The following SLF1 variants were observed in gnomAD, a reference collection of about 807,000 sequenced individuals.
The protein encoded by SLF1 is SMC5-SMC6 complex localization factor protein 1.
In SLF1, 105 loss-of-function variants were observed where a neutral mutation model predicts 123.0. That is an observed-to-expected ratio of 0.85 (90% CI 0.73 to 1.00). The LOEUF (loss-of-function observed/expected upper bound fraction) is 1.00, where lower values mean the gene tolerates loss of function less well. SLF1 is among the 50% of genes least tolerant of loss of function. The pLI is 0.00. For synonymous variants in SLF1, 434 were observed against 406.6 expected (o/e 1.07, Z -0.81); for missense variants, 1,239 against 1,223.0 (o/e 1.01, Z -0.20).
rs1161384345 is a variant in SLF1 at position 94,691,605 on chromosome 5, G to A, written c.2461G>A (p.Glu821Lys). 1 of 1,611,344 alleles carries A rather than the reference G, an allele frequency of 6.2e-7. No individual in the cohort carries two copies. The highest frequency in any genetic ancestry group is 1.1e-5 in the South Asian group (1 of 90,420). Reference sequence around the variant, plus strand: ...TAGAGCTTGCATAAATAACCAAGTGGAGAAATTGATTCTTCTTCTCTCTTT... The same window carrying A: ...TAGAGCTTGCATAAATAACCAAGTGAAGAAATTGATTCTTCTTCTCTCTTT... ...LHRACINNQV[E>K]KLILLLSLPG... Residue 821 changes from glutamate (E) to lysine (K), a missense_variant, in exon 19 of 21, where the codon GAG becomes AAG. By Grantham distance (56) the Glu-to-Lys change is moderately conservative (BLOSUM62 1). Transcript: ENST00000265140.
At chr5:94,629,965 C>T (rs768166203) in intron 3 of SLF1, among the ~76,000 whole-genome samples, 16 of 151,658 alleles carry the variant, frequency 1.1e-4, no homozygotes, top group South Asian at 2.1e-4. Context: ...GGCAACGTAG[C>T]GAGATCTCAT....
chr5:94,648,906 G>A (rs977153547), intron 5 of SLF1, among the ~76,000 whole-genome samples: 1 of 152,180 alleles, frequency 6.6e-6, no homozygotes, highest in South Asian at 2.1e-4. Context: ...ATAATTATTG[G>A]AAGTTGATTT....
chr5:94,627,590 A>ATATGTG lies in SLF1; in HGVS notation c.1-1218_1-1217insGTGTAT, dbSNP rs201238072. Among the ~76,000 whole-genome samples the ATATGTG allele has an allele frequency of 6.1e-5, 6 of 97,698 alleles. No individual in the cohort carries two copies. In the South Asian group the frequency reaches 1.0e-3, roughly 17 times the overall value. The allele number at this position is 97,698 out of a possible 152,430, so 64.1% of individuals were successfully genotyped here. A position where few individuals can be genotyped will look rare whatever the true frequency, so the allele number is the denominator to read the frequency against. ...CTTGTAAATGATGAAATTAACATAT[A>ATATGTG]TATATATATATATATATATATATAT... On this transcript the variant is annotated intron_variant, in intron 1 of 20. Coordinates refer to ENST00000265140, the MANE Select transcript of SLF1 (RefSeq NM_032290.4).
intron 4 of SLF1, among the ~76,000 whole-genome samples, chr5:94,640,545 T>C (rs1746326144): frequency 6.6e-6 from 1 of 152,178 alleles, no homozygotes; most frequent in Non-Finnish European, 1.5e-5. Flanking sequence ...TTTTATTAAA[T>C]ATGATACTCT....
chr5:94,625,192 CA>C (rs754127514), intron 1 of SLF1, among the ~76,000 whole-genome samples: 33,577 of 101,172 alleles, frequency 0.33, 3,922 homozygotes, highest in Non-Finnish European at 0.36. Flanking sequence ...GACTCCGTCT[CA>C]AAAAAAAAAA....
intron 9 of SLF1, among the ~76,000 whole-genome samples, chr5:94,657,060 GATCTTTATT>G (rs1748487917): frequency 6.7e-6 from 1 of 148,804 alleles, no homozygotes; most frequent in South Asian, 2.1e-4. Flanking sequence ...AATAATAATA[GATCTTTATT>G]ATTTCCTTCT....
In SLF1 at chr5:94,691,579, A is replaced by G. The variant is rs1231909530; in HGVS notation, c.2435A>G (p.His812Arg). 1 of 1,610,714 alleles carries G rather than the reference A, an allele frequency of 6.2e-7. No individual in the cohort carries two copies. ...TTTATGGCAGGAGAAACAGCCCTGC[A>G]TAGAGCTTGCATAAATAACCAAGTG... The part of the protein sequence containing the change: ...KTNLKGETAL[H>R]RACINNQVEK... The change falls in exon 19 of 21, where the codon CAT becomes CGT. Residue 812 changes from histidine (H) to arginine (R), a missense_variant. His to Arg is a conservative substitution (Grantham distance 29). Transcript: ENST00000265140.
intron 12 of SLF1, among the ~76,000 whole-genome samples, chr5:94,667,535 A>G (rs1585188425): frequency 1.3e-5 from 2 of 152,094 alleles, no homozygotes; most frequent in South Asian, 2.1e-4. Flanking sequence ...GTCATTTCCC[A>G]TATTAAAGTC....
intron 1 of SLF1, among the ~76,000 whole-genome samples, chr5:94,620,347 C>T (rs928395188): frequency 6.6e-6 from 1 of 152,200 alleles, no homozygotes; most frequent in African/African-American, 2.4e-5. Context: ...TATAACCTAA[C>T]ATTTTCTTGC....
chr5:94,666,343 A>G (rs1549180), intron 12 of SLF1, among the ~76,000 whole-genome samples: 11,184 of 152,296 alleles, frequency 0.073, 463 homozygotes, highest in South Asian at 0.12. Context: ...TGGAATATGC[A>G]TATCATCAGT....
chr5:94,646,228 A>T (rs1431718804), intron 5 of SLF1, among the ~76,000 whole-genome samples: 1 of 152,232 alleles, frequency 6.6e-6, no homozygotes, highest in Non-Finnish European at 1.5e-5. Context: ...AGCCTGAGCA[A>T]CAGAGTGAGA....
At chr5:94,688,815 A>G in intron 17 of SLF1, 146 bp downstream of exon 17, 1 of 878,994 alleles carries the variant, frequency 1.1e-6, no homozygotes, top group South Asian at 3.1e-5. Context: ...TTTGATCAAC[A>G]TTTTCTGTTT....
chr5:94,634,528 A>G (rs558582086), intron 4 of SLF1, among the ~76,000 whole-genome samples: 3 of 152,270 alleles, frequency 2.0e-5, no homozygotes, highest in East Asian at 1.9e-4. Flanking sequence ...TAAAGTCTAC[A>G]TATTATTCTA....
chr5:94,642,587 A>G (rs1306567174), intron 4 of SLF1, among the ~76,000 whole-genome samples: 10 of 152,074 alleles, frequency 6.6e-5, no homozygotes, highest in African/African-American at 2.4e-4. Context: ...GGGGTCAATA[A>G]AAGTTAGGAT....
At position 94,671,021 on chromosome 5, in the gene SLF1, A is replaced by G; in HGVS notation, c.1827+13A>G. 2.0e-6 allele frequency: 3 copies of G among 1,484,424 alleles called. No homozygotes were observed. The highest frequency in any genetic ancestry group is 2.7e-6 in the Non-Finnish European group (3 of 1,092,344). 92.0% of individuals were successfully genotyped at this position (1,484,424 alleles called of 1,614,324 possible). A position where few individuals can be genotyped will look rare whatever the true frequency, so the allele number is the denominator to read the frequency against. ...CAAGTCTAATGATGTAAGTAGGATT[A>G]ATTTATAGATGAATAGTCTATGGAA... On this transcript the variant is annotated intron_variant, in intron 14 of 20. Coordinates refer to ENST00000265140, the MANE Select transcript of SLF1 (RefSeq NM_032290.4).
At chr5:94,634,215 C>T (rs532005473) in intron 4 of SLF1, among the ~76,000 whole-genome samples, 7 of 152,164 alleles carry the variant, frequency 4.6e-5, no homozygotes, top group East Asian at 1.9e-4. Context: ...CAGTTGCATA[C>T]GTATTTTCTC....
intron 12 of SLF1, among the ~76,000 whole-genome samples, chr5:94,666,390 T>G (rs188303735): frequency 3.9e-5 from 6 of 152,314 alleles, no homozygotes; most frequent in Admixed American, 3.9e-4. Context: ...GTAACTATAG[T>G]ATCTATTTTA....
intron 5 of SLF1, among the ~76,000 whole-genome samples, chr5:94,648,410 T>G (rs1747305720): frequency 6.6e-6 from 1 of 151,974 alleles, no homozygotes; most frequent in African/African-American, 2.4e-5. Flanking sequence ...ACACGTTTTG[T>G]TTTTTTTATA....
At chr5:94,649,885 T>C (rs1458750237) in intron 6 of SLF1, among the ~76,000 whole-genome samples, 1 of 152,202 alleles carries the variant, frequency 6.6e-6, no homozygotes, top group African/African-American at 2.4e-5. Flanking sequence ...AACTTACTTA[T>C]GTTTAGGTAA....
Sources: gnomAD v4.1 joint callset for allele counts (sites outside exome capture counted in the v4.1 genomes callset) on GRCh38, gnomAD v4.1.1 for gene constraint, MANE v1.5 for transcripts, NCBI Gene and HGNC (gene_info 2026-07-23, HGNC 2026-07-21) for gene names.